Variants in FBN2 observed in about 807,000 individuals in gnomAD.
FBN2 encodes the protein fibrillin-2.
In FBN2, 105 loss-of-function variants were observed where a neutral mutation model predicts 355.6. That is an observed-to-expected ratio of 0.30 (90% CI 0.25 to 0.35). The LOEUF is 0.35. Among genes scored for constraint, FBN2 ranks in the 10% least tolerant of loss-of-function variants. FBN2 has a pLI of 1.00. For missense variants in FBN2, 3,280 were observed against 3,758.7 expected, an observed-to-expected ratio of 0.87 and a Z score of 3.33; for synonymous variants, 1,350 against 1,301.2, an observed-to-expected ratio of 1.04 and a Z score of -0.81.
At chr5:128,297,257 G>C (rs374364799) in intron 48 of FBN2, among the ~76,000 whole-genome samples, 3 of 152,090 alleles carry the variant, frequency 2.0e-5, no homozygotes, top group Non-Finnish European at 4.4e-5. Flanking sequence ...TTACTTCCAA[G>C]TATGTGGTCA....
chr5:128,343,390 A>C (rs1321360886), intron 25 of FBN2, among the ~76,000 whole-genome samples: 1 of 152,154 alleles, frequency 6.6e-6, no homozygotes, highest in Non-Finnish European at 1.5e-5. Flanking sequence ...GACTTCAGAA[A>C]GCCAGATGGA....
chr5:128,441,288 G>A (rs1480118394), intron 7 of FBN2, among the ~76,000 whole-genome samples: 1 of 152,276 alleles, frequency 6.6e-6, no homozygotes, highest in African/African-American at 2.4e-5. Context: ...CACTCTTACT[G>A]CAACTGCTGT....
intron 7 of FBN2, among the ~76,000 whole-genome samples, chr5:128,432,400 G>C (rs924631391): frequency 6.6e-6 from 1 of 152,288 alleles, no homozygotes; most frequent in African/African-American, 2.4e-5. Context: ...TCAAGAACAG[G>C]AGTTGGCAAA....
chr5:128,305,160 T>C, intron 44 of FBN2, 78 bp from the exon 45 acceptor site: 1 of 1,233,300 alleles, frequency 8.1e-7, no homozygotes, highest in Admixed American at 2.0e-5. Context: ...TGTGTTTCTC[T>C]AATCTGCTAT....
chr5:128,514,748 G>A (rs1454481436), intron 5 of FBN2, among the ~76,000 whole-genome samples: 1 of 152,226 alleles, frequency 6.6e-6, no homozygotes, highest in Middle Eastern at 3.4e-3. Context: ...GACATTAACG[G>A]TAATTAATCC....
At chr5:128,507,358 T>C (rs1199681262) in intron 5 of FBN2, among the ~76,000 whole-genome samples, 1 of 152,026 alleles carries the variant, frequency 6.6e-6, no homozygotes. Flanking sequence ...AAGTCCCTGA[T>C]AAAAAAATTA....
At chr5:128,378,279 T>C (rs939353948) in intron 12 of FBN2, among the ~76,000 whole-genome samples, 2 of 152,128 alleles carry the variant, frequency 1.3e-5, no homozygotes, top group African/African-American at 4.8e-5. Context: ...TTCAAGCAAC[T>C]ACCTGTGGAT....
In FBN2 at chr5:128,343,140, A is replaced by C. The variant is rs564698498; in HGVS notation, c.3343+1245T>G. 6.6e-5 allele frequency among the ~76,000 whole-genome samples: 10 copies of C among 152,252 alleles called. No homozygotes were observed. In the South Asian group the frequency reaches 2.1e-3, roughly 32 times the overall value. On this transcript the variant is annotated intron_variant, in intron 25 of 64. Transcript: ENST00000262464. Reference sequence around the variant, plus strand: ...TAGATGGGGGTGGAGGGTAGAGGAGAGGGCATGTAAGTCAGGGAAGAGGTT... The same window carrying C: ...TAGATGGGGGTGGAGGGTAGAGGAGCGGGCATGTAAGTCAGGGAAGAGGTT...
intron 6 of FBN2, among the ~76,000 whole-genome samples, chr5:128,459,154 A>G (rs1234682908): frequency 2.0e-5 from 3 of 152,194 alleles, no homozygotes; most frequent in East Asian, 3.8e-4. Context: ...ACAAACTACC[A>G]TCAGAGAATA....
At chr5:128,270,125 G>T (rs111588014) in intron 62 of FBN2, among the ~76,000 whole-genome samples, 3,941 of 152,254 alleles carry the variant, frequency 0.026, 137 homozygotes, top group African/African-American at 0.07. Flanking sequence ...ATGGTGCTGG[G>T]AAAGCTGGCT....
chr5:128,411,448 G>A (rs779702716), intron 7 of FBN2, among the ~76,000 whole-genome samples: 13 of 152,140 alleles, frequency 8.5e-5, no homozygotes, highest in Non-Finnish European at 1.3e-4. Context: ...GAAAGCGGAC[G>A]GAGTGGGAAG....
intron 62 of FBN2, among the ~76,000 whole-genome samples, chr5:128,264,548 A>T (rs575013442): frequency 2.6e-5 from 4 of 152,236 alleles, no homozygotes; most frequent in Non-Finnish European, 5.9e-5. Context: ...TTATGCTTTC[A>T]ACTTTGGAGA....
intron 2 of FBN2, among the ~76,000 whole-genome samples, chr5:128,536,115 T>C (rs907706350): frequency 2.0e-5 from 3 of 152,272 alleles, no homozygotes; most frequent in Non-Finnish European, 1.5e-5. Flanking sequence ...GCTCTACTCC[T>C]CCCCTCTTCC....
intron 55 of FBN2, among the ~76,000 whole-genome samples, chr5:128,285,228 T>C (rs189133958): frequency 1.3e-5 from 2 of 150,440 alleles, no homozygotes; most frequent in Admixed American, 6.8e-5. Context: ...ATTTCATGCA[T>C]TGGCATTTTT....
At chr5:128,350,051 A>G in intron 21 of FBN2, 46 bp from the exon 22 acceptor site, 3 of 1,442,424 alleles carry the variant, frequency 2.1e-6, no homozygotes, top group Admixed American at 1.7e-5. Flanking sequence ...AGAATAAAAT[A>G]CAACCATGGT....
chr5:128,493,261 A>C (rs2127128783), intron 5 of FBN2, among the ~76,000 whole-genome samples: 1 of 152,354 alleles, frequency 6.6e-6, no homozygotes, highest in East Asian at 1.9e-4. Flanking sequence ...CGATGGCACC[A>C]AGTACAAAGC....
At chr5:128,356,448 T>C (rs1056896645) in intron 20 of FBN2, among the ~76,000 whole-genome samples, 1 of 152,388 alleles carries the variant, frequency 6.6e-6, no homozygotes. Context: ...TAATAAAAAC[T>C]GCCAGTTAAT....
At position 128,333,031 on chromosome 5, in the gene FBN2, A is replaced by G. The variant is rs28763942; in HGVS notation, c.4103T>C (p.Val1368Ala). 32 of 1,610,868 alleles carry G rather than the reference A, an allele frequency of 2.0e-5. No individual in the cohort carries two copies. The highest frequency in any genetic ancestry group is 2.5e-5 in the Non-Finnish European group (29 of 1,177,050). ...VKKGTTGCTD[V>A]DECEIGAHNC... The stretch of plus-strand genomic sequence containing the variant: ...ATGAGCACCAATTTCACACTCATCC[A>G]CATCTGATAAACCATAATTCATAAG... Residue 1368 changes from valine to alanine, a missense_variant, in exon 32 of 65, where the codon GTG (valine) becomes GCG (alanine). Physicochemically the swap from Val to Ala is moderately conservative, Grantham distance 64. Transcript: ENST00000262464.
At chr5:128,337,087 A>G (rs1315442393) in intron 27 of FBN2, among the ~76,000 whole-genome samples, 1 of 152,240 alleles carries the variant, frequency 6.6e-6, no homozygotes, top group Non-Finnish European at 1.5e-5. Context: ...TTATACCTCA[A>G]TATGTTCAAC....
Sources: gnomAD v4.1 joint callset for allele counts (sites outside exome capture counted in the v4.1 genomes callset) on GRCh38, gnomAD v4.1.1 for gene constraint, MANE v1.5 for transcripts, NCBI Gene and HGNC (gene_info 2026-07-23, HGNC 2026-07-21) for gene names.